Variants in CACNA2D2 observed in about 807,000 individuals in gnomAD.
The protein encoded by CACNA2D2 is voltage-dependent calcium channel subunit alpha-2/delta-2.
CACNA2D2 carries 48 observed loss-of-function variants against 166.4 expected under a neutral mutation model. That is an observed-to-expected ratio of 0.29 (90% CI 0.23 to 0.37). The LOEUF is 0.37. Ranked by LOEUF, CACNA2D2 falls within the 10% of genes least tolerant of loss-of-function variation. CACNA2D2 has a pLI of 1.00. For missense variants in CACNA2D2, 1,122 were observed against 1,433.0 expected (o/e 0.78, Z 3.50); for synonymous variants, 561 against 573.7 (o/e 0.98, Z 0.32).
Position 50,380,983 on chromosome 3 carries a change from G to C in CACNA2D2, c.784+12C>G. On this transcript the variant is annotated intron_variant, in intron 7 of 37. Transcript: ENST00000424201. The surrounding 1 kb of genome is among the most constrained non-coding windows in gnomAD (Gnocchi z 4.9). ...GGTGCTGGGTAGACAGGGGACAGGG[G>C]CTGGTACCTACCCGGGTAGTAGCGA... The C allele has an allele frequency of 2.5e-6, 4 of 1,613,658 alleles. No homozygotes were observed. Among genetic ancestry groups the C allele is most frequent in the Non-Finnish European group, 3.4e-6 (4 of 1,179,684 alleles).
At chr3:50,451,451 C>A (rs908434822) in intron 2 of CACNA2D2, among the ~76,000 whole-genome samples, 6 of 152,142 alleles carry the variant, frequency 3.9e-5, no homozygotes, top group African/African-American at 1.4e-4. Context: ...GGCCCCTCCC[C>A]AGGCTGCCTG....
At chr3:50,424,220 C>T (rs1160141916) in intron 3 of CACNA2D2, among the ~76,000 whole-genome samples, 1 of 152,176 alleles carries the variant, frequency 6.6e-6, no homozygotes, top group African/African-American at 2.4e-5. Flanking sequence ...ATGGGCACCC[C>T]GTGCCATGCT....
At chr3:50,440,483 T>C (rs1708536353) in intron 2 of CACNA2D2, among the ~76,000 whole-genome samples, 1 of 152,290 alleles carries the variant, frequency 6.6e-6, no homozygotes. Context: ...ACACAGGTTT[T>C]GTACACTGTG....
At chr3:50,420,362 TC>T (rs1326564526) in intron 3 of CACNA2D2, among the ~76,000 whole-genome samples, 1 of 152,202 alleles carries the variant, frequency 6.6e-6, no homozygotes, top group East Asian at 1.9e-4. Context: ...CTCAGCAGCC[TC>T]TGGTTTTCCA....
intron 2 of CACNA2D2, among the ~76,000 whole-genome samples, chr3:50,475,512 G>A (rs976262405): frequency 1.3e-5 from 2 of 152,258 alleles, no homozygotes; most frequent in East Asian, 3.9e-4. Context: ...TCAGGAGCCC[G>A]GGGCCTGACA....
At chr3:50,469,443 G>A (rs1304588681) in intron 2 of CACNA2D2, among the ~76,000 whole-genome samples, 1 of 152,080 alleles carries the variant, frequency 6.6e-6, no homozygotes. Flanking sequence ...TAAACCCCTG[G>A]ACTGAATCAA....
Position 50,460,056 on chromosome 3 carries a change from C to G in CACNA2D2, c.288+16062G>C, listed in dbSNP as rs142616558. Among the ~76,000 whole-genome samples, 6 of 152,210 alleles carry G rather than the reference C, an allele frequency of 3.9e-5. No homozygotes were observed. The East Asian group carries it at 1.2e-3, about 29-fold the overall frequency. ...TCAACCCCCGACACCCCTGCAGGTT[C>G]CAACTGTGGCTACAACATGGAGTTT... is the stretch of plus-strand genomic sequence containing the variant. On this transcript the variant is annotated intron_variant, in intron 2 of 37. Coordinates refer to ENST00000424201, the MANE Select transcript of CACNA2D2 (RefSeq NM_006030.4).
At chr3:50,484,611 A>C (rs1698198069) in intron 1 of CACNA2D2, among the ~76,000 whole-genome samples, 1 of 151,852 alleles carries the variant, frequency 6.6e-6, no homozygotes, top group African/African-American at 2.4e-5. Context: ...GTCTCCACAC[A>C]CACGTCACCT....
At chr3:50,422,480 T>C (rs1438545637) in intron 3 of CACNA2D2, among the ~76,000 whole-genome samples, 1 of 152,166 alleles carries the variant, frequency 6.6e-6, no homozygotes, top group South Asian at 2.1e-4. Flanking sequence ...TTTCACAGAA[T>C]CTCAAAGTGG....
chr3:50,489,132 G>A (rs1044492074), intron 1 of CACNA2D2, among the ~76,000 whole-genome samples: 11 of 152,228 alleles, frequency 7.2e-5, no homozygotes, highest in Admixed American at 1.3e-4. Context: ...ATGAAACATA[G>A]GAAATGTGAT....
intron 4 of CACNA2D2, 46 bp downstream of exon 4, chr3:50,394,063 T>C (rs772562966): frequency 3.8e-6 from 6 of 1,571,738 alleles, no homozygotes; most frequent in Non-Finnish European, 3.5e-6. Flanking sequence ...AATCCACGCA[T>C]GGATGGGCAT....
At chr3:50,459,981 C>T (rs767990149) in intron 2 of CACNA2D2, among the ~76,000 whole-genome samples, 9 of 152,178 alleles carry the variant, frequency 5.9e-5, no homozygotes, top group Non-Finnish European at 1.3e-4. Flanking sequence ...TCTTCAGCAC[C>T]AGGAACTGTC....
chr3:50,445,482 C>T (rs1456042208), intron 2 of CACNA2D2, among the ~76,000 whole-genome samples: 1 of 152,232 alleles, frequency 6.6e-6, no homozygotes, highest in Admixed American at 6.5e-5. Context: ...ATCTTACTCC[C>T]TCCTCTAAGT....
chr3:50,379,245 T>A lies in CACNA2D2; in HGVS notation c.1153-46A>T. 6.5e-7 allele frequency: 1 copy of A among 1,539,130 alleles called. No homozygotes were observed. Among genetic ancestry groups the A allele is most frequent in the Non-Finnish European group, 9.0e-7 (1 of 1,112,600 alleles). ...GCAGGCAGCTCTCAGCCCTCCCTGG[T>A]CCAGGGGCAGGGCCTCCCTCCCGCA... On this transcript the variant is annotated intron_variant, in intron 11 of 37. Coordinates refer to ENST00000424201, the MANE Select transcript of CACNA2D2 (RefSeq NM_006030.4). This position sits in a 1 kb window ranked among gnomAD's most constrained non-coding sequence, Gnocchi z 6.5.
At chr3:50,373,082 G>A in intron 22 of CACNA2D2, 2 of 1,535,366 alleles carry the variant, frequency 1.3e-6, no homozygotes, top group Non-Finnish European at 1.7e-6. Context: ...TTTGCTGATT[G>A]GCACTGGGAC....
In CACNA2D2 at chr3:50,366,761, G is replaced by T; in HGVS notation, c.2589+70C>A. 6.4e-7 allele frequency: 1 copy of T among 1,555,732 alleles called. No individual in the cohort carries two copies. ...AGGTGTTGGAGCCACTGAGTGGAGG[G>T]TTGGTGGGGGTTCCAGGGGACTCCA... On this transcript the variant is annotated intron_variant, in intron 29 of 37. Coordinates refer to ENST00000424201, the MANE Select transcript of CACNA2D2 (RefSeq NM_006030.4). The surrounding 1 kb of genome is among the most constrained non-coding windows in gnomAD (Gnocchi z 5.9).
rs772210871 is a variant in CACNA2D2 at position 50,366,172 on chromosome 3, G to A, written c.2710-9C>T. On this transcript the variant is annotated splice_polypyrimidine_tract_variant and intron_variant, in intron 31 of 37. Transcript: ENST00000424201. This position sits in a 1 kb window ranked among gnomAD's most constrained non-coding sequence, Gnocchi z 5.9. ...CTGAAGAACCTGCCCACCTGAGGATGTCAGGAGAAAGCCATGGTCACAGGG... is the reference window on the plus strand; with the variant it reads ...CTGAAGAACCTGCCCACCTGAGGATATCAGGAGAAAGCCATGGTCACAGGG... 3.1e-6 allele frequency: 5 copies of A among 1,613,860 alleles called. No homozygotes were observed. Among genetic ancestry groups the A allele is most frequent in the South Asian group, 1.1e-5 (1 of 91,090 alleles).
At chr3:50,444,255 T>C (rs779680794) in intron 2 of CACNA2D2, among the ~76,000 whole-genome samples, 2 of 152,196 alleles carry the variant, frequency 1.3e-5, no homozygotes, top group South Asian at 2.1e-4. Context: ...GGTCAGCAGC[T>C]GGCTGGCTTT....
At position 50,380,649 on chromosome 3, in the gene CACNA2D2, G is replaced by A. The variant is rs112908446; in HGVS notation, c.842+99C>T. On this transcript the variant is annotated intron_variant, in intron 8 of 37. Transcript: ENST00000424201. This position sits in a 1 kb window ranked among gnomAD's most constrained non-coding sequence, Gnocchi z 4.9. ...ATGAAAATTGGATACAGCTGGCTGC[G>A]CCCTGCTAGGAGGCTTGGAAATGGG... 3.1e-4 allele frequency: 303 copies of A among 969,388 alleles called. No homozygotes were observed. Among genetic ancestry groups the A allele is most frequent in the Non-Finnish European group, 3.9e-4 (258 of 669,336 alleles). The allele number at this position is 969,388 out of a possible 1,614,324, so 60.0% of individuals were successfully genotyped here.
Sources: gnomAD v4.1 joint callset for allele counts (sites outside exome capture counted in the v4.1 genomes callset) on GRCh38, gnomAD v4.1.1 for gene constraint, Gnocchi (gnomAD v3.1) non-coding constraint, MANE v1.5 for transcripts, NCBI Gene and HGNC (gene_info 2026-07-23, HGNC 2026-07-21) for gene names.